PKP2: variants seen among roughly 807,000 people sequenced by gnomAD.
PKP2 encodes the protein plakophilin-2.
In PKP2, 73 loss-of-function variants were observed where a neutral mutation model predicts 83.4. That is an observed-to-expected ratio of 0.88 (90% CI 0.72 to 1.06). The LOEUF (loss-of-function observed/expected upper bound fraction) is 1.06. Ranked by LOEUF, PKP2 falls within the 50% of genes least tolerant of loss-of-function variation. PKP2 has a pLI of 0.00. For synonymous variants in PKP2, 409 were observed against 430.4 expected, an observed-to-expected ratio of 0.95 and a Z score of 0.62; for missense variants, 966 against 1,065.4, an observed-to-expected ratio of 0.91 and a Z score of 1.30.
chr12:32,832,214 T>C (rs1258410158), intron 6 of PKP2, among the ~76,000 whole-genome samples: 1 of 151,836 alleles, frequency 6.6e-6, no homozygotes, highest in Non-Finnish European at 1.5e-5. Flanking sequence ...CCGTCTCTAC[T>C]AAAAATACAA....
At chr12:32,860,305 G>A (rs911368484) in intron 4 of PKP2, among the ~76,000 whole-genome samples, 1 of 152,168 alleles carries the variant, frequency 6.6e-6, no homozygotes, top group African/African-American at 2.4e-5. Context: ...GTATTCAGTA[G>A]AGTATTAATT....
At chr12:32,817,934 A>G (rs1437600682) in intron 9 of PKP2, among the ~76,000 whole-genome samples, 1 of 152,068 alleles carries the variant, frequency 6.6e-6, no homozygotes, top group African/African-American at 2.4e-5. Flanking sequence ...TTAGATTCTC[A>G]TGGGGGCGCA....
intron 9 of PKP2, among the ~76,000 whole-genome samples, chr12:32,817,368 A>G (rs1666336643): frequency 6.6e-6 from 1 of 152,258 alleles, no homozygotes; most frequent in Non-Finnish European, 1.5e-5. Context: ...GACATTGGCC[A>G]TGGGAAAGAA....
chr12:32,822,742 T>A (rs1956394445), intron 7 of PKP2, 111 bp from the exon 8 acceptor site: 1 of 1,223,862 alleles, frequency 8.2e-7, no homozygotes, highest in Non-Finnish European at 1.2e-6. Context: ...TGCAACTGGG[T>A]GTGCTTAAAC....
At chr12:32,865,580 G>A (rs1210763647) in intron 4 of PKP2, among the ~76,000 whole-genome samples, 4 of 151,288 alleles carry the variant, frequency 2.6e-5, no homozygotes, top group African/African-American at 4.9e-5. Flanking sequence ...CAGCTACTTG[G>A]GAGGCTGAGG....
chr12:32,820,840 T>C, intron 9 of PKP2: 1 of 177,792 alleles, frequency 5.6e-6, no homozygotes, highest in East Asian at 1.6e-4. Context: ...AGACATATTC[T>C]CCAACTTCTT....
At chr12:32,802,637 T>A (rs1344875658) in intron 9 of PKP2, 81 bp from the exon 10 acceptor site, 1 of 1,162,594 alleles carries the variant, frequency 8.6e-7, no homozygotes, top group East Asian at 2.3e-5. Flanking sequence ...TTACCAGAGG[T>A]TGATGAAGAT....
chr12:32,896,716 C>T lies in PKP2; in HGVS notation c.16G>A (p.Ala6Thr), dbSNP rs1190256335. The change falls in exon 1 of 13, where the codon GCC (alanine) becomes ACC (threonine). Residue 6 changes from alanine to threonine, a missense_variant. Ala to Thr is a moderately conservative substitution (Grantham distance 58). Transcript: ENST00000340811. The part of the protein sequence containing the change: MAAPG[A>T]PAEYGYIRTV... Reference sequence around the variant, plus strand: ...CGGATGTAGCCGTACTCAGCTGGGGCGCCGGGGGCTGCCATGGGGCCGGTG... The same window carrying T: ...CGGATGTAGCCGTACTCAGCTGGGGTGCCGGGGGCTGCCATGGGGCCGGTG... The T allele has an allele frequency of 2.0e-6, 3 of 1,470,362 alleles. No individual in the cohort carries two copies. Among genetic ancestry groups the T allele is most frequent in the Non-Finnish European group, 2.7e-6 (3 of 1,113,538 alleles). The allele number at this position is 1,470,362 out of a possible 1,614,324, so 91.1% of individuals were successfully genotyped here. A position where few individuals can be genotyped will look rare whatever the true frequency, so the allele number is the denominator to read the frequency against.
chr12:32,823,634 T>C (rs1341523219), intron 7 of PKP2, among the ~76,000 whole-genome samples: 1 of 147,748 alleles, frequency 6.8e-6, no homozygotes, highest in East Asian at 2.0e-4. Context: ...TGAGACAGAG[T>C]CTTGCTCTGT....
At chr12:32,864,228 G>A (rs1956826108) in intron 4 of PKP2, among the ~76,000 whole-genome samples, 1 of 151,112 alleles carries the variant, frequency 6.6e-6, no homozygotes, top group African/African-American at 2.4e-5. Context: ...TTTTGCCCTG[G>A]GATCAGAAAC....
At chr12:32,852,955 G>A (rs1469514496) in intron 4 of PKP2, among the ~76,000 whole-genome samples, 1 of 152,084 alleles carries the variant, frequency 6.6e-6, no homozygotes, top group African/African-American at 2.4e-5. Flanking sequence ...ATGGTGGTGG[G>A]TGCCTGTAAT....
chr12:32,796,589 C>T (rs747912845), intron 10 of PKP2, among the ~76,000 whole-genome samples: 16 of 151,980 alleles, frequency 1.1e-4, no homozygotes, highest in Admixed American at 3.9e-4. Context: ...TCAGTAGAGA[C>T]GGAGTTTCAC....
chr12:32,879,234 C>G (rs1956963742), intron 1 of PKP2, among the ~76,000 whole-genome samples: 1 of 152,236 alleles, frequency 6.6e-6, no homozygotes, highest in South Asian at 2.1e-4. Context: ...TCAAAACATT[C>G]TCTACAAAAG....
At chr12:32,863,377 CT>C in intron 4 of PKP2, 1 of 265,444 alleles carries the variant, frequency 3.8e-6, no homozygotes, top group Non-Finnish European at 7.9e-6. Context: ...CCGAAGCAAT[CT>C]TCCTGCTAGA....
At chr12:32,859,300 G>C (rs1323048811) in intron 4 of PKP2, among the ~76,000 whole-genome samples, 1 of 152,194 alleles carries the variant, frequency 6.6e-6, no homozygotes, top group Non-Finnish European at 1.5e-5. Context: ...TTTGAACTCA[G>C]ATGAATTAGT....
chr12:32,876,868 G>T (rs749646464), intron 3 of PKP2, among the ~76,000 whole-genome samples: 2 of 152,126 alleles, frequency 1.3e-5, no homozygotes, highest in Non-Finnish European at 2.9e-5. Flanking sequence ...ATTGCCTAAG[G>T]TCTGCTTACT....
chr12:32,866,773 G>A (rs1037281508), intron 4 of PKP2, among the ~76,000 whole-genome samples: 2 of 152,034 alleles, frequency 1.3e-5, no homozygotes, highest in Non-Finnish European at 2.9e-5. Context: ...TTCTTAAAAA[G>A]TCAAACATAC....
chr12:32,859,733 G>T (rs182218360), intron 4 of PKP2, among the ~76,000 whole-genome samples: 1 of 152,156 alleles, frequency 6.6e-6, no homozygotes, highest in African/African-American at 2.4e-5. Context: ...TGGGATTACA[G>T]GTATGAGCCA....
At chr12:32,896,220 G>A (rs183848238) in intron 1 of PKP2, among the ~76,000 whole-genome samples, 8 of 152,302 alleles carry the variant, frequency 5.3e-5, no homozygotes, top group African/African-American at 1.7e-4. Flanking sequence ...TGAGGGGCGC[G>A]GACCGGCGGA....
Sources: gnomAD v4.1 joint callset for allele counts (sites outside exome capture counted in the v4.1 genomes callset) on GRCh38, gnomAD v4.1.1 for gene constraint, MANE v1.5 for transcripts, NCBI Gene and HGNC (gene_info 2026-07-23, HGNC 2026-07-21) for gene names.